The following BANP variants were observed in gnomAD, a reference collection of about 807,000 sequenced individuals.
The protein encoded by BANP is protein BANP.
In BANP, 11 loss-of-function variants were observed where a neutral mutation model predicts 68.1. That is an observed-to-expected ratio of 0.16 (90% CI 0.10 to 0.27). The LOEUF is 0.27. BANP is among the 10% of genes least tolerant of loss of function. The pLI is 1.00. For synonymous variants in BANP, 329 were observed against 303.2 expected, an observed-to-expected ratio of 1.09 and a Z score of -0.88; for missense variants, 504 against 722.7, an observed-to-expected ratio of 0.70 and a Z score of 3.47.
intron 11 of BANP, among the ~76,000 whole-genome samples, chr16:88,051,491 T>C (rs2083267701): frequency 6.6e-6 from 1 of 152,200 alleles, no homozygotes; most frequent in Non-Finnish European, 1.5e-5. Flanking sequence ...TCACGCGCAG[T>C]AGGCACATGG....
intron 4 of BANP, among the ~76,000 whole-genome samples, chr16:87,995,564 C>T (rs919316780): frequency 6.6e-6 from 1 of 152,162 alleles, no homozygotes; most frequent in African/African-American, 2.4e-5. Flanking sequence ...GTAGTATCAG[C>T]TTTTCTAACC....
chr16:88,046,617 C>G lies in BANP; in HGVS notation c.1311+8606C>G, dbSNP rs376510660. Among the ~76,000 whole-genome samples the G allele has an allele frequency of 2.3e-4, 35 of 152,046 alleles. No homozygotes were observed. The East Asian group carries it at 3.9e-3, about 17-fold the overall frequency. ...CTGGAGTGCAGTGATGCCATCTTGG[C>G]TCACTGCAACCTCCGTCTCCCAGGT... On this transcript the variant is annotated intron_variant, in intron 11 of 13. Coordinates refer to ENST00000682872, the MANE Select transcript of BANP (RefSeq NM_001386991.1).
chr16:87,989,943 G>A (rs1598176133), intron 4 of BANP, among the ~76,000 whole-genome samples: 2 of 149,166 alleles, frequency 1.3e-5, no homozygotes, highest in African/African-American at 2.5e-5. Flanking sequence ...GACACAGGGC[G>A]GGCGACAGGG....
intron 4 of BANP, among the ~76,000 whole-genome samples, chr16:87,996,297 T>C (rs1386901330): frequency 1.3e-5 from 2 of 152,192 alleles, no homozygotes; most frequent in Non-Finnish European, 2.9e-5. Flanking sequence ...GCCACTTAGT[T>C]GGAGATGGCT....
chr16:88,010,867 C>A (rs1410549405), intron 6 of BANP, among the ~76,000 whole-genome samples: 9 of 144,520 alleles, frequency 6.2e-5, no homozygotes, highest in Admixed American at 1.4e-4. Context: ...TGCCGATTCA[C>A]ACACCTCGCA....
At position 88,076,821 on chromosome 16, in the gene BANP, G is replaced by C. The variant is rs912750811; in HGVS notation, c.*160G>C. ...CGCGGGGAACAGCATCCTATCAACT[G>C]AAAGAGCAGCCGCCGCCGCCCCCAG... On this transcript the variant is annotated 3_prime_UTR_variant, in exon 14 of 14. Coordinates refer to ENST00000682872, the MANE Select transcript of BANP (RefSeq NM_001386991.1). 1.6e-6 allele frequency: 1 copy of C among 619,938 alleles called. No homozygotes were observed. Among genetic ancestry groups the C allele is most frequent in the Non-Finnish European group, 2.7e-6 (1 of 367,386 alleles). The allele number at this position is 619,938 out of a possible 1,614,324, so 38.4% of individuals were successfully genotyped here.
chr16:87,973,481 C>T (rs2061475185), intron 1 of BANP, among the ~76,000 whole-genome samples: 3 of 152,184 alleles, frequency 2.0e-5, no homozygotes, highest in Admixed American at 1.3e-4. Flanking sequence ...AGAGCTGAGG[C>T]CGGGCGCGGT....
chr16:88,044,800 G>A (rs903361785), intron 11 of BANP, among the ~76,000 whole-genome samples: 2 of 152,158 alleles, frequency 1.3e-5, no homozygotes, highest in South Asian at 2.1e-4. Context: ...TGGCTAACAC[G>A]GTGAAACCCC....
At chr16:88,037,050 A>G (rs1439928352) in intron 10 of BANP, among the ~76,000 whole-genome samples, 2 of 152,218 alleles carry the variant, frequency 1.3e-5, no homozygotes, top group African/African-American at 2.4e-5. Context: ...CTCACTGCCA[A>G]AGAGCTCAGC....
At chr16:88,054,790 G>T (rs1451306539) in intron 11 of BANP, among the ~76,000 whole-genome samples, 1 of 152,236 alleles carries the variant, frequency 6.6e-6, no homozygotes, top group Non-Finnish European at 1.5e-5. Flanking sequence ...TAGGCCTTGA[G>T]TAGTAGCTTA....
At chr16:87,983,989 T>C (rs1216479425) in intron 3 of BANP, 71 bp from the exon 4 acceptor site, 14 of 1,503,940 alleles carry the variant, frequency 9.3e-6, no homozygotes, top group Non-Finnish European at 1.3e-5. Context: ...AATAGCTGTT[T>C]GGTGTTTCTT....
intron 7 of BANP, among the ~76,000 whole-genome samples, chr16:88,021,459 C>T (rs1417464440): frequency 6.6e-6 from 1 of 152,182 alleles, no homozygotes. Flanking sequence ...ATGAGGAAGG[C>T]TGGCCTGTCC....
intron 1 of BANP, among the ~76,000 whole-genome samples, chr16:87,958,620 G>A (rs761903872): frequency 6.6e-6 from 1 of 152,144 alleles, no homozygotes; most frequent in Non-Finnish European, 1.5e-5. Flanking sequence ...ACTCGAGCCC[G>A]GGAATTGGAG....
intron 7 of BANP, among the ~76,000 whole-genome samples, chr16:88,023,297 A>T (rs1456435665): frequency 4.6e-5 from 7 of 152,048 alleles, no homozygotes; most frequent in Admixed American, 4.6e-4. Context: ...TGGCTAACAG[A>T]CTGAGGACAG....
At chr16:88,009,335 G>A (rs2072308978) in intron 6 of BANP, among the ~76,000 whole-genome samples, 1 of 152,214 alleles carries the variant, frequency 6.6e-6, no homozygotes, top group Non-Finnish European at 1.5e-5. Context: ...ATAAGAAATA[G>A]GAGCCGCAGG....
intron 7 of BANP, among the ~76,000 whole-genome samples, chr16:88,023,578 G>C (rs754464866): frequency 1.4e-4 from 22 of 152,164 alleles, no homozygotes; most frequent in Non-Finnish European, 2.5e-4. Context: ...GTGTTAGCAG[G>C]TGGGGCTCTT....
intron 13 of BANP, 76 bp downstream of exon 13, chr16:88,072,288 C>G (rs2090543828): frequency 6.7e-7 from 1 of 1,502,064 alleles, no homozygotes; most frequent in Non-Finnish European, 8.9e-7. Flanking sequence ...CACACGTGGC[C>G]CCGGGGCTTT....
chr16:88,019,181 G>T (rs2075292410), intron 7 of BANP, among the ~76,000 whole-genome samples: 1 of 152,164 alleles, frequency 6.6e-6, no homozygotes. Context: ...GCCCAGCCCG[G>T]CCTGTGACGT....
At chr16:88,037,860 G>A (rs185920071) in intron 10 of BANP, 113 bp from the exon 11 acceptor site, 34 of 1,041,700 alleles carry the variant, frequency 3.3e-5, no homozygotes, top group Admixed American at 2.1e-4. Flanking sequence ...GCAGAACTGG[G>A]GTTTTCTTGT....
Sources: allele counts gnomAD v4.1 joint callset (sites outside exome capture counted in the v4.1 genomes callset), GRCh38; gene constraint gnomAD v4.1.1; transcripts MANE v1.5; gene names NCBI Gene and HGNC (gene_info 2026-07-23, HGNC 2026-07-21).